Variants in RAI2 observed in about 807,000 individuals in gnomAD.
RAI2 encodes retinoic acid induced 2.
A neutral mutation model predicts 15.3 loss-of-function variants in RAI2; 5 were observed. That is an observed-to-expected ratio of 0.33 (90% CI 0.17 to 0.69). The LOEUF is 0.69. RAI2 is among the 30% of genes least tolerant of loss of function. RAI2 has a pLI of 0.69. For synonymous variants in RAI2, 191 were observed against 184.0 expected, an observed-to-expected ratio of 1.04 and a Z score of -0.31; for missense variants, 424 against 424.7, an observed-to-expected ratio of 1.00 and a Z score of 0.01.
At chrX:17,820,462 G>A (rs1161465149) in intron 1 of RAI2, among the ~76,000 whole-genome samples, 1 of 111,774 alleles carries the variant, frequency 8.9e-6, no homozygotes, top group Non-Finnish European at 1.9e-5. Context: ...TAAAAGCTCC[G>A]ACTGAAGTGG....
chrX:17,826,662 C>T (rs1242532857), intron 1 of RAI2, among the ~76,000 whole-genome samples: 2 of 111,689 alleles, frequency 1.8e-5, no homozygotes, highest in Non-Finnish European at 1.9e-5. Flanking sequence ...TGTGTCCCCA[C>T]CCAAATCTCA....
chrX:17,818,207 C>T (rs2067126896), intron 1 of RAI2, among the ~76,000 whole-genome samples: 1 of 112,489 alleles, frequency 8.9e-6, no homozygotes, highest in African/African-American at 3.2e-5. Context: ...CAGCCTCCCA[C>T]CCCCTAAACC....
At chrX:17,815,320 C>T (rs1249754889) in intron 1 of RAI2, among the ~76,000 whole-genome samples, 1 of 59,582 alleles carries the variant, frequency 1.7e-5, no homozygotes, top group African/African-American at 7.8e-5. Flanking sequence ...CATGTGCACA[C>T]GTGCACACAC....
At chrX:17,860,035 C>T (rs1412297567) in intron 1 of RAI2, among the ~76,000 whole-genome samples, 2 of 112,117 alleles carry the variant, frequency 1.8e-5, no homozygotes, top group Non-Finnish European at 3.8e-5. Flanking sequence ...GTTTGGCAGG[C>T]AGAAAGGGAG....
chrX:17,824,028 T>C (rs2067199739), intron 1 of RAI2, among the ~76,000 whole-genome samples: 1 of 112,457 alleles, frequency 8.9e-6, no homozygotes, highest in Admixed American at 9.4e-5. Flanking sequence ...CCACAGTGCC[T>C]GGTATACAGT....
intron 1 of RAI2, among the ~76,000 whole-genome samples, chrX:17,845,851 C>T (rs2067450387): frequency 8.9e-6 from 1 of 112,125 alleles, no homozygotes; most frequent in Admixed American, 9.4e-5. Context: ...GTTTTTCTCA[C>T]TCAAGACTCA....
chrX:17,851,038 T>C (rs1385012932), intron 1 of RAI2, among the ~76,000 whole-genome samples: 1 of 112,671 alleles, frequency 8.9e-6, no homozygotes, highest in Non-Finnish European at 1.9e-5. Context: ...TTATGGGACA[T>C]TCTAAGATGT....
intron 1 of RAI2, among the ~76,000 whole-genome samples, chrX:17,822,797 G>A (rs759589832): frequency 7.1e-5 from 8 of 112,160 alleles, no homozygotes; most frequent in African/African-American, 1.9e-4. Flanking sequence ...GGTAAGAACC[G>A]TCTACTTTTA....
chrX:17,850,829 G>A (rs1469459400), intron 1 of RAI2, among the ~76,000 whole-genome samples: 2 of 112,893 alleles, frequency 1.8e-5, no homozygotes, highest in Non-Finnish European at 1.9e-5. Flanking sequence ...TTGATAAGTC[G>A]TAAGAGAAAG....
intron 1 of RAI2, among the ~76,000 whole-genome samples, chrX:17,807,267 CT>C (rs1193151865): frequency 9.0e-6 from 1 of 111,639 alleles, no homozygotes; most frequent in Admixed American, 9.5e-5. Context: ...CCCAACTTGA[CT>C]TTGTCTAGTC....
intron 1 of RAI2, among the ~76,000 whole-genome samples, chrX:17,829,556 C>T (rs777855346): frequency 1.4e-3 from 153 of 112,044 alleles, no homozygotes; most frequent in Admixed American, 3.6e-3. Context: ...GAGCAGTTCA[C>T]CAAGTGCCAG....
At position 17,833,215 on chromosome X, in the gene RAI2, T is replaced by A. The variant is rs1398159453; in HGVS notation, c.-25+27883A>T. Among the ~76,000 whole-genome samples the A allele has an allele frequency of 2.7e-4, 30 of 112,066 alleles. No individual in the cohort carries two copies. In the Admixed American group the frequency reaches 2.8e-3, roughly 11 times the overall value. On this transcript the variant is annotated intron_variant, in intron 1 of 1. Coordinates refer to ENST00000451717, the MANE Select transcript of RAI2 (RefSeq NM_021785.6). ...AAACCAGACACAGAAGTACATACTG[T>A]CTGATACACTTCATATGAATTTCGG...
rs1364687117 is a variant in RAI2 at position 17,801,580 on chromosome X, G to C, written c.431C>G (p.Ala144Gly). The C allele has an allele frequency of 8.3e-7, 1 of 1,209,037 alleles. No individual in the cohort carries two copies. The highest frequency in any genetic ancestry group is 1.1e-6 in the Non-Finnish European group (1 of 894,128). ...GTGGATGGTACTGGAGGAGCATGGG[G>C]CCTCCTGCGGCAGGACCAGAGGGGA... Reference protein sequence around the residue: ...LNSPLVLPQEAPCSSSTIHNN... With the variant: ...LNSPLVLPQEGPCSSSTIHNN... Residue 144 changes from alanine to glycine, a missense_variant, in exon 2 of 2, where the codon GCC (alanine) becomes GGC (glycine). Transcript: ENST00000451717.
At chrX:17,858,359 C>G (rs1312418921) in intron 1 of RAI2, among the ~76,000 whole-genome samples, 3 of 112,380 alleles carry the variant, frequency 2.7e-5, no homozygotes, top group Admixed American at 9.4e-5. Context: ...GCCTAGCAGA[C>G]AGAGGCCAAC....
Position 17,815,839 on chromosome X carries a change from A to T in RAI2, c.-24-13805T>A, listed in dbSNP as rs776643796. ...GGTGTTCAGAATCACCCATCAATTA[A>T]CCTTGTGCCCTAAAGGACTGACAAC... On this transcript the variant is annotated intron_variant, in intron 1 of 1. Coordinates refer to ENST00000451717, the MANE Select transcript of RAI2 (RefSeq NM_021785.6). Among the ~76,000 whole-genome samples the T allele has an allele frequency of 9.9e-5, 11 of 111,337 alleles. No individual in the cohort carries two copies. The South Asian group carries it at 4.2e-3, about 43-fold the overall frequency.
intron 1 of RAI2, among the ~76,000 whole-genome samples, chrX:17,810,304 T>C (rs1569344124): frequency 8.9e-6 from 1 of 112,145 alleles, no homozygotes; most frequent in Non-Finnish European, 1.9e-5. Flanking sequence ...AACATCTCTA[T>C]TGGAACCAGC....
At chrX:17,825,423 T>G (rs1201500977) in intron 1 of RAI2, among the ~76,000 whole-genome samples, 2 of 112,730 alleles carry the variant, frequency 1.8e-5, no homozygotes, top group Non-Finnish European at 3.7e-5. Flanking sequence ...AAAAGCCACA[T>G]AGGGGACAAC....
At chrX:17,808,027 C>T (rs1288394055) in intron 1 of RAI2, among the ~76,000 whole-genome samples, 4 of 112,152 alleles carry the variant, frequency 3.6e-5, no homozygotes, top group Non-Finnish European at 5.6e-5. Flanking sequence ...GCGGCCCAGA[C>T]GGCTTTGAAT....
intron 1 of RAI2, among the ~76,000 whole-genome samples, chrX:17,821,381 A>G (rs768548506): frequency 1.8e-5 from 2 of 111,328 alleles, no homozygotes; most frequent in East Asian, 5.7e-4. Flanking sequence ...AAGAAAGTCA[A>G]TCAGAGTAAG....
Sources: gnomAD v4.1 joint callset for allele counts (sites outside exome capture counted in the v4.1 genomes callset) on GRCh38, gnomAD v4.1.1 for gene constraint, MANE v1.5 for transcripts, NCBI Gene and HGNC (gene_info 2026-07-23, HGNC 2026-07-21) for gene names.